DNAH3: variants seen among roughly 807,000 people sequenced by gnomAD.
DNAH3 encodes the protein axonemal beta dynein heavy chain 3.
A neutral mutation model predicts 432.5 loss-of-function variants in DNAH3; 332 were observed. That is an observed-to-expected ratio of 0.77 (90% confidence interval 0.70 to 0.84). The LOEUF (loss-of-function observed/expected upper bound fraction) is 0.84. DNAH3 is among the 40% of genes least tolerant of loss of function. DNAH3 has a pLI of 0.00. For missense variants in DNAH3, 4,861 were observed against 5,114.0 expected, an observed-to-expected ratio of 0.95 and a Z score of 1.51; for synonymous variants, 1,956 against 1,900.2, an observed-to-expected ratio of 1.03 and a Z score of -0.76.
intron 6 of DNAH3, among the ~76,000 whole-genome samples, chr16:21,135,127 T>C (rs1386516554): frequency 6.6e-6 from 1 of 151,978 alleles, no homozygotes; most frequent in African/African-American, 2.4e-5. Context: ...AAAGGAGGAG[T>C]GTGACTTCAC....
chr16:21,016,937 C>G (rs751366571), intron 41 of DNAH3, among the ~76,000 whole-genome samples: 6 of 152,036 alleles, frequency 3.9e-5, no homozygotes, highest in Non-Finnish European at 8.8e-5. Context: ...CTCTTACATG[C>G]AGTACCCAGG....
At chr16:21,049,506 G>T in intron 31 of DNAH3, 63 bp downstream of exon 31, 1 of 1,358,304 alleles carries the variant, frequency 7.4e-7, no homozygotes, top group Non-Finnish European at 1.1e-6. Context: ...AAGGGGTGCA[G>T]AGCCAAGAAA....
At chr16:20,982,799 G>C (rs534377354) in exon 49 of DNAH3, 1 of 1,614,208 alleles carries the variant, frequency 6.2e-7, no homozygotes, top group Non-Finnish European at 8.5e-7. Context: ...TGTGGGCCAG[G>C]ACTGGAACCA....
intron 11 of DNAH3, among the ~76,000 whole-genome samples, chr16:21,117,981 T>A (rs1489288189): frequency 6.6e-6 from 1 of 150,614 alleles, no homozygotes; most frequent in Non-Finnish European, 1.5e-5. Context: ...CTCTCGTGGG[T>A]TTTTTTTTGT....
chr16:21,152,284 G>C (rs1157957046), intron 1 of DNAH3, among the ~76,000 whole-genome samples: 1 of 152,158 alleles, frequency 6.6e-6, no homozygotes, highest in Non-Finnish European at 1.5e-5. Context: ...ACTTTCCTAA[G>C]TCGACTTGAC....
chr16:21,051,831 G>A (rs747854887), exon 29 of DNAH3: 5 of 1,614,090 alleles, frequency 3.1e-6, no homozygotes, highest in Non-Finnish European at 3.4e-6. Flanking sequence ...TCAGATCGGA[G>A]ACCCTGTCCT....
At chr16:21,092,601 A>G (rs1465756194) in intron 18 of DNAH3, among the ~76,000 whole-genome samples, 4 of 148,718 alleles carry the variant, frequency 2.7e-5, no homozygotes, top group African/African-American at 7.4e-5. Context: ...GGCACAACAC[A>G]TGGGAAAAAA....
At chr16:20,994,803 A>G (rs1328839638) in intron 44 of DNAH3, among the ~76,000 whole-genome samples, 1 of 152,178 alleles carries the variant, frequency 6.6e-6, no homozygotes, top group Non-Finnish European at 1.5e-5. Flanking sequence ...TCACTTAAAG[A>G]CAATAACATC....
Position 20,970,028 on chromosome 16 carries a change from G to C in DNAH3, c.8260-38C>G, listed in dbSNP as rs754921175. 8.1e-6 allele frequency: 13 copies of C among 1,597,804 alleles called. No homozygotes were observed. The South Asian group carries it at 1.2e-4, about 15-fold the overall frequency. On this transcript the variant is annotated intron_variant, in intron 51 of 61. Transcript: ENST00000261383. ...TGAGGACAAAGGAGATGAGTGCCCAGGGCCTGGCACAATGGGGGCGAAGCA... is the reference window on the plus strand; with the variant it reads ...TGAGGACAAAGGAGATGAGTGCCCACGGCCTGGCACAATGGGGGCGAAGCA...
At chr16:21,087,021 T>C in exon 19 of DNAH3, 1 of 1,614,122 alleles carries the variant, frequency 6.2e-7, no homozygotes, top group Non-Finnish European at 8.5e-7. Context: ...ATTCCCTATC[T>C]CCTCCGCAAT....
chr16:20,960,218 G>A (rs1170885334), intron 53 of DNAH3, among the ~76,000 whole-genome samples: 1 of 151,648 alleles, frequency 6.6e-6, no homozygotes. Flanking sequence ...TTTCTTTCAT[G>A]GATACATAGT....
intron 41 of DNAH3, among the ~76,000 whole-genome samples, chr16:21,017,231 T>C (rs1490335659): frequency 6.6e-6 from 1 of 152,164 alleles, no homozygotes; most frequent in Non-Finnish European, 1.5e-5. Flanking sequence ...AATGAATGCA[T>C]GACAATCTGA....
At chr16:21,096,401 G>A (rs1030896250) in intron 18 of DNAH3, among the ~76,000 whole-genome samples, 4 of 151,946 alleles carry the variant, frequency 2.6e-5, no homozygotes, top group African/African-American at 9.7e-5. Flanking sequence ...CAAAGTGCTG[G>A]GACTACAGGT....
intron 57 of DNAH3, among the ~76,000 whole-genome samples, chr16:20,946,095 CG>C (rs1567505438): frequency 6.6e-6 from 1 of 152,172 alleles, no homozygotes; most frequent in African/African-American, 2.4e-5. Flanking sequence ...CAGGCCATGA[CG>C]GGAAGTGGGG....
intron 51 of DNAH3, among the ~76,000 whole-genome samples, chr16:20,972,739 A>ATTTTTTTTTTTTTT: frequency 1.0e-5 from 1 of 95,964 alleles, no homozygotes; most frequent in Non-Finnish European, 1.9e-5. Context: ...ATGCCCCGTG[A>ATTTTTTTTTTTTTT]TTTTTTTTTT....
At chr16:21,010,770 C>G (rs2087554912) in intron 41 of DNAH3, among the ~76,000 whole-genome samples, 2 of 151,976 alleles carry the variant, frequency 1.3e-5, no homozygotes, top group African/African-American at 4.8e-5. Flanking sequence ...TAAGAAAGTA[C>G]AGGGTCTTGC....
chr16:21,067,194 G>T, intron 24 of DNAH3, 89 bp downstream of exon 24: 1 of 1,475,034 alleles, frequency 6.8e-7, no homozygotes. Context: ...GACTAGATTG[G>T]TTGAAGCCAA....
At chr16:21,145,915 G>A (rs568868041) in intron 2 of DNAH3, 69 bp downstream of exon 3, 24 of 996,420 alleles carry the variant, frequency 2.4e-5, no homozygotes, top group Middle Eastern at 2.1e-4. Context: ...TGCCAAATAC[G>A]GAGAGAAGTG....
intron 59 of DNAH3, among the ~76,000 whole-genome samples, chr16:20,939,953 C>T (rs963411399): frequency 3.3e-5 from 5 of 152,234 alleles, no homozygotes; most frequent in African/African-American, 4.8e-5. Flanking sequence ...GGTGATCCCA[C>T]TGGGCTCCAT....
Sources: gnomAD v4.1 joint callset for allele counts (sites outside exome capture counted in the v4.1 genomes callset) on GRCh38, gnomAD v4.1.1 for gene constraint, MANE v1.5 for transcripts, NCBI Gene and HGNC (gene_info 2026-07-23, HGNC 2026-07-21) for gene names.